The following VTI1A variants were observed in gnomAD, a reference collection of about 807,000 sequenced individuals.
VTI1A encodes the protein vesicle transport through interaction with t-SNAREs 1A, also known as vesicle transport through interaction with t-SNAREs homolog 1A.
VTI1A carries 22 observed loss-of-function variants against 34.9 expected under a neutral mutation model. That is an observed-to-expected ratio of 0.63 (90% confidence interval 0.45 to 0.90). The LOEUF (loss-of-function observed/expected upper bound fraction) is 0.90, where lower values mean the gene tolerates loss of function less well. Ranked by LOEUF, VTI1A falls within the 40% of genes least tolerant of loss-of-function variation. The pLI is 0.00. For synonymous variants in VTI1A, 87 were observed against 97.3 expected (o/e 0.89, Z 0.62); for missense variants, 268 against 275.6 (o/e 0.97, Z 0.20).
intron 7 of VTI1A, among the ~76,000 whole-genome samples, chr10:112,713,444 A>G (rs1849499640): frequency 6.6e-6 from 1 of 152,068 alleles, no homozygotes; most frequent in South Asian, 2.1e-4. Flanking sequence ...TTTAACTGTC[A>G]GAGAAAACCT....
intron 3 of VTI1A, among the ~76,000 whole-genome samples, chr10:112,494,945 A>G (rs1044946297): frequency 6.6e-6 from 1 of 152,198 alleles, no homozygotes; most frequent in African/African-American, 2.4e-5. Flanking sequence ...ATTGGGCTAT[A>G]ATAAAATTTG....
chr10:112,575,476 C>A (rs1302819130), intron 5 of VTI1A, among the ~76,000 whole-genome samples: 1 of 152,176 alleles, frequency 6.6e-6, no homozygotes, highest in Non-Finnish European at 1.5e-5. Context: ...AATGGTACAG[C>A]AGTTTTCTGC....
At chr10:112,625,999 CT>C in intron 5 of VTI1A, among the ~76,000 whole-genome samples, 1 of 152,310 alleles carries the variant, frequency 6.6e-6, no homozygotes, top group African/African-American at 2.4e-5. Context: ...ACTGTTTTGT[CT>C]ATTCTAATCT....
At chr10:112,627,426 C>G (rs1023076480) in intron 5 of VTI1A, among the ~76,000 whole-genome samples, 1 of 152,048 alleles carries the variant, frequency 6.6e-6, no homozygotes, top group African/African-American at 2.4e-5. Context: ...TTTTATCATA[C>G]CTTAATTCAT....
chr10:112,817,101 G>C lies in VTI1A; in HGVS notation c.*1718G>C, dbSNP rs117890743. 2.2e-5 allele frequency: 5 copies of C among 232,442 alleles called. No individual in the cohort carries two copies. The Admixed American group carries it at 2.8e-4, about 13-fold the overall frequency. The allele number at this position is 232,442 out of a possible 1,614,324, so 14.4% of individuals were successfully genotyped here. A position where few individuals can be genotyped will look rare whatever the true frequency, so the allele number is the denominator to read the frequency against. Reference sequence around the variant, plus strand: ...GTATTCTGATAACGGAATGCTGTACGTGCTGACCACATCTAAGAACCATTA... The same window carrying C: ...GTATTCTGATAACGGAATGCTGTACCTGCTGACCACATCTAAGAACCATTA... On this transcript the variant is annotated 3_prime_UTR_variant, in exon 8 of 8. Transcript: ENST00000393077.
chr10:112,703,662 A>G (rs911522554), intron 7 of VTI1A, among the ~76,000 whole-genome samples: 2 of 152,198 alleles, frequency 1.3e-5, no homozygotes, highest in Non-Finnish European at 2.9e-5. Flanking sequence ...AGACAATATA[A>G]AGCAAAACAT....
intron 7 of VTI1A, among the ~76,000 whole-genome samples, chr10:112,756,307 A>G (rs1054854917): frequency 6.6e-5 from 10 of 152,182 alleles, no homozygotes; most frequent in African/African-American, 2.4e-4. Context: ...GTGTTACGGC[A>G]TGACTACTTT....
At chr10:112,849,811 G>T in the VTI1A span, among the ~76,000 whole-genome samples, 1 of 152,178 alleles carries the variant, frequency 6.6e-6, no homozygotes, top group Non-Finnish European at 1.5e-5. Flanking sequence ...ATTTTGTTCA[G>T]ATTTCCCTCC....
chr10:112,807,174 T>A (rs570575951), intron 7 of VTI1A, among the ~76,000 whole-genome samples: 43 of 152,190 alleles, frequency 2.8e-4, no homozygotes, highest in Non-Finnish European at 5.6e-4. Context: ...GGGAAGAAGG[T>A]GGAGACGTGG....
At chr10:112,685,587 A>G (rs181206750) in intron 7 of VTI1A, among the ~76,000 whole-genome samples, 43 of 152,292 alleles carry the variant, frequency 2.8e-4, no homozygotes, top group African/African-American at 7.9e-4. Flanking sequence ...AAGTATTTTC[A>G]AAAACATTTT....
intron 5 of VTI1A, among the ~76,000 whole-genome samples, chr10:112,564,646 A>G (rs1166729351): frequency 1.3e-5 from 2 of 152,072 alleles, no homozygotes; most frequent in African/African-American, 2.4e-5. Flanking sequence ...AATTTTGAAT[A>G]TGGTTCTTTT....
intron 7 of VTI1A, among the ~76,000 whole-genome samples, chr10:112,728,191 C>A (rs532625998): frequency 1.3e-5 from 2 of 151,544 alleles, no homozygotes; most frequent in Non-Finnish European, 2.9e-5. Context: ...TTCTTCCCCC[C>A]ACCCCCCTCA....
chr10:112,542,460 C>A (rs144443388), intron 5 of VTI1A, among the ~76,000 whole-genome samples: 109 of 152,236 alleles, frequency 7.2e-4, no homozygotes, highest in African/African-American at 2.5e-3. Context: ...GTCACCCCTT[C>A]TCTCAGTAGT....
chr10:112,819,823 A>T (rs1386102461), downstream of VTI1A, among the ~76,000 whole-genome samples: 1 of 152,128 alleles, frequency 6.6e-6, no homozygotes, highest in African/African-American at 2.4e-5. Context: ...TGATGAGTTT[A>T]TATAACCATG....
At chr10:112,591,364 C>A (rs975961355) in intron 5 of VTI1A, among the ~76,000 whole-genome samples, 1 of 152,036 alleles carries the variant, frequency 6.6e-6, no homozygotes, top group Non-Finnish European at 1.5e-5. Context: ...ACTAACAATA[C>A]AAAAAATTAG....
the VTI1A span, among the ~76,000 whole-genome samples, chr10:112,853,485 ATG>A: frequency 2.6e-5 from 4 of 152,204 alleles, no homozygotes; most frequent in Non-Finnish European, 4.4e-5. Context: ...TTAGTCCATC[ATG>A]TGTGTTTCAC....
intron 3 of VTI1A, among the ~76,000 whole-genome samples, chr10:112,478,364 A>G (rs920651853): frequency 2.6e-5 from 4 of 152,314 alleles, no homozygotes; most frequent in Admixed American, 1.3e-4. Flanking sequence ...AGGGTCAAAT[A>G]GATAATGTTA....
At chr10:112,827,501 C>A in the VTI1A span, 1 of 151,966 alleles carries the variant, frequency 6.6e-6, no homozygotes, top group African/African-American at 2.4e-5. Context: ...CCCCCAGCAC[C>A]GTGTGGCACC....
the VTI1A span, among the ~76,000 whole-genome samples, chr10:112,830,781 C>T: frequency 7.2e-6 from 1 of 137,994 alleles, no homozygotes; most frequent in Non-Finnish European, 1.5e-5. Flanking sequence ...TCAAGTTCCA[C>T]ATTTTCCCCC....
Sources: allele counts gnomAD v4.1 joint callset (sites outside exome capture counted in the v4.1 genomes callset), GRCh38; gene constraint gnomAD v4.1.1; transcripts MANE v1.5; gene names NCBI Gene and HGNC (gene_info 2026-07-23, HGNC 2026-07-21).